The following MKLN1 variants were observed in gnomAD, a reference collection of about 807,000 sequenced individuals.
MKLN1 encodes muskelin 1.
MKLN1 carries 18 observed loss-of-function variants against 99.0 expected under a neutral mutation model. The ratio of observed to expected loss-of-function variants is 0.18; its 90% CI spans 0.13 to 0.27. The LOEUF is 0.27. MKLN1 is among the 10% of genes least tolerant of loss of function. The pLI is 1.00. For synonymous variants in MKLN1, 288 were observed against 293.2 expected (o/e 0.98, Z 0.18); for missense variants, 621 against 875.9 (o/e 0.71, Z 3.67).
chr7:131,372,540 C>T (rs1012573202), intron 1 of MKLN1, among the ~76,000 whole-genome samples: 2 of 151,888 alleles, frequency 1.3e-5, no homozygotes, highest in African/African-American at 4.8e-5. Flanking sequence ...ACTACTTTTC[C>T]CCTTCACTTA....
At chr7:131,465,851 A>G (rs1395314313) in intron 14 of MKLN1, among the ~76,000 whole-genome samples, 4 of 152,118 alleles carry the variant, frequency 2.6e-5, no homozygotes, top group Non-Finnish European at 4.4e-5. Flanking sequence ...AAATTTTTTT[A>G]AAGTTTCTAG....
At position 131,411,324 on chromosome 7, in the gene MKLN1, A is replaced by T; in HGVS notation, c.722A>T (p.Tyr241Phe). The T allele has an allele frequency of 1.2e-6, 2 of 1,608,994 alleles. No homozygotes were observed. The highest frequency in any genetic ancestry group is 1.7e-6 in the Non-Finnish European group (2 of 1,175,454). The stretch of plus-strand genomic sequence containing the variant: ...TTTGCAGATGGCTTGTTCAATCAGT[A>T]TATCAGTCAACAGGAATATAAGCCA... ...KAVNDGLFNQ[Y>F]ISQQEYKPRW... Residue 241 changes from tyrosine (Y) to phenylalanine (F), a missense_variant, in exon 7 of 18, where the codon TAT (tyrosine) becomes TTT (phenylalanine). Tyr to Phe is a conservative substitution (Grantham distance 22, BLOSUM62 3). Coordinates refer to ENST00000352689, the MANE Select transcript of MKLN1 (RefSeq NM_013255.5).
At chr7:131,420,986 T>C (rs1458921357) in intron 8 of MKLN1, among the ~76,000 whole-genome samples, 2 of 152,236 alleles carry the variant, frequency 1.3e-5, no homozygotes, top group Admixed American at 6.5e-5. Context: ...TTTTCTGTGG[T>C]GGATCTGTTT....
At chr7:131,382,994 A>T (rs962739521) in intron 2 of MKLN1, among the ~76,000 whole-genome samples, 2 of 152,134 alleles carry the variant, frequency 1.3e-5, no homozygotes, top group African/African-American at 4.8e-5. Flanking sequence ...AAGTTCTGGG[A>T]TTACAGGCAT....
At chr7:131,387,405 A>G in intron 3 of MKLN1, 143 bp downstream of exon 3, 1 of 565,742 alleles carries the variant, frequency 1.8e-6, no homozygotes. Context: ...CCTTAGTTTA[A>G]TACTGTGGCT....
intron 2 of MKLN1, among the ~76,000 whole-genome samples, chr7:131,143,916 G>A (rs1259131806): frequency 2.0e-5 from 3 of 152,194 alleles, no homozygotes; most frequent in African/African-American, 7.2e-5. Context: ...TGCAGGACAT[G>A]TGTAGTTCAA....
intron 3 of MKLN1, among the ~76,000 whole-genome samples, chr7:131,247,349 G>T (rs1245688256): frequency 6.6e-6 from 1 of 151,346 alleles, no homozygotes; most frequent in Non-Finnish European, 1.5e-5. Flanking sequence ...GAGTAGCTGG[G>T]ATTACAGGCA....
chr7:131,484,612 T>C (rs1797222397), intron 17 of MKLN1, among the ~76,000 whole-genome samples: 1 of 152,066 alleles, frequency 6.6e-6, no homozygotes, highest in Admixed American at 6.6e-5. Context: ...TTATAAAGAG[T>C]AGCATTACAG....
chr7:131,302,207 T>C (rs4731788), intron 3 of MKLN1, among the ~76,000 whole-genome samples: 68,280 of 152,104 alleles, frequency 0.45, 16,884 homozygotes, highest in Admixed American at 0.59. Flanking sequence ...TCATTTAGCA[T>C]CTGACTACTC....
At chr7:131,112,955 G>A (rs543484187) in intron 1 of MKLN1, among the ~76,000 whole-genome samples, 2 of 152,352 alleles carry the variant, frequency 1.3e-5, no homozygotes, top group South Asian at 4.1e-4. Context: ...ACCTGACTTT[G>A]AAACCCAACT....
intron 2 of MKLN1, among the ~76,000 whole-genome samples, chr7:131,154,500 G>A (rs1240744311): frequency 6.6e-6 from 1 of 152,138 alleles, no homozygotes; most frequent in East Asian, 1.9e-4. Context: ...CTGTGGTCCT[G>A]AATTTGAATT....
chr7:131,332,674 G>T (rs1799113308), intron 1 of MKLN1, among the ~76,000 whole-genome samples: 1 of 151,586 alleles, frequency 6.6e-6, no homozygotes, highest in Admixed American at 6.6e-5. Context: ...ATTTACTGTT[G>T]TCCTGTTTGC....
chr7:131,384,044 T>C lies in MKLN1; in HGVS notation c.169-3076T>C, dbSNP rs570231988. On this transcript the variant is annotated intron_variant, in intron 2 of 17. Transcript: ENST00000352689. ...ACTTCATGTAATTGCACAAACTGCATGATCTGGTGACTGCCTCCTCTTCAT... is the reference window on the plus strand; with the variant it reads ...ACTTCATGTAATTGCACAAACTGCACGATCTGGTGACTGCCTCCTCTTCAT... 6.6e-5 allele frequency among the ~76,000 whole-genome samples: 10 copies of C among 152,344 alleles called. No individual in the cohort carries two copies. The East Asian group carries it at 1.9e-3, about 29-fold the overall frequency.
chr7:131,180,489 A>C (rs1796363237), intron 2 of MKLN1, among the ~76,000 whole-genome samples: 1 of 152,178 alleles, frequency 6.6e-6, no homozygotes, highest in Admixed American at 6.5e-5. Flanking sequence ...ACCTGAGGTC[A>C]GGAGTTCGAG....
At chr7:131,296,301 A>G (rs1798290745) in intron 3 of MKLN1, among the ~76,000 whole-genome samples, 1 of 152,250 alleles carries the variant, frequency 6.6e-6, no homozygotes, top group African/African-American at 2.4e-5. Context: ...CAATGATTAA[A>G]ACATCTACAT....
chr7:131,206,742 GA>G (rs1796817889), intron 3 of MKLN1, among the ~76,000 whole-genome samples: 1 of 151,882 alleles, frequency 6.6e-6, no homozygotes, highest in African/African-American at 2.4e-5. Context: ...TTTTTTTAGA[GA>G]TGGGGTCTTG....
intron 1 of MKLN1, among the ~76,000 whole-genome samples, chr7:131,353,924 A>AG: frequency 6.8e-6 from 1 of 146,616 alleles, no homozygotes; most frequent in Non-Finnish European, 1.5e-5. Flanking sequence ...AAAAAAAAAA[A>AG]CCAGTTGGGC....
At chr7:131,160,572 G>A (rs893125431) in intron 2 of MKLN1, among the ~76,000 whole-genome samples, 3 of 149,384 alleles carry the variant, frequency 2.0e-5, no homozygotes, top group East Asian at 1.9e-4. Flanking sequence ...AGGCTAGAGT[G>A]CAGTGGTGCG....
chr7:131,135,365 T>A (rs1330781916), intron 1 of MKLN1, among the ~76,000 whole-genome samples: 1 of 152,182 alleles, frequency 6.6e-6, no homozygotes, highest in Non-Finnish European at 1.5e-5. Flanking sequence ...TCAGGTGATC[T>A]GCCCTCCTCC....
Sources: allele counts gnomAD v4.1 joint callset (sites outside exome capture counted in the v4.1 genomes callset), GRCh38; gene constraint gnomAD v4.1.1; transcripts MANE v1.5; gene names NCBI Gene and HGNC (gene_info 2026-07-23, HGNC 2026-07-21).